Variants in PRKD3 observed in about 807,000 individuals in gnomAD.
PRKD3 encodes the protein protein kinase D3, also known as serine/threonine-protein kinase D3.
A neutral mutation model predicts 99.2 loss-of-function variants in PRKD3; 47 were observed. The observed-to-expected ratio is 0.47, with a 90% CI of 0.38 to 0.60. The LOEUF is 0.60. Ranked by LOEUF, PRKD3 falls within the 20% of genes least tolerant of loss-of-function variation. The pLI is 0.00. For missense variants in PRKD3, 1,019 were observed against 1,088.4 expected (o/e 0.94, Z 0.90); for synonymous variants, 392 against 355.4 (o/e 1.10, Z -1.16).
chr2:37,317,313 G>A (rs1671707838), intron 1 of PRKD3, 134 bp from the exon 2 acceptor site: 1 of 248,168 alleles, frequency 4.0e-6, no homozygotes. Context: ...CTAATGGGTA[G>A]CAATTTTTGG....
At chr2:37,303,011 A>AC (rs1221014637) in intron 2 of PRKD3, among the ~76,000 whole-genome samples, 1 of 152,034 alleles carries the variant, frequency 6.6e-6, no homozygotes, top group Non-Finnish European at 1.5e-5. Flanking sequence ...TTCCAAAACT[A>AC]CCTACGGCCG....
chr2:37,311,456 G>A (rs1190420103), intron 2 of PRKD3, among the ~76,000 whole-genome samples: 1 of 152,144 alleles, frequency 6.6e-6, no homozygotes, highest in Non-Finnish European at 1.5e-5. Context: ...TGACTGAAGA[G>A]TAGTGCACCA....
chr2:37,319,676 G>A (rs766376004), intron 1 of PRKD3, among the ~76,000 whole-genome samples: 3 of 151,532 alleles, frequency 2.0e-5, no homozygotes, highest in East Asian at 1.9e-4. Flanking sequence ...ATCAGCATCC[G>A]TCTGTATACT....
At chr2:37,258,979 T>C (rs926389757) in intron 16 of PRKD3, among the ~76,000 whole-genome samples, 7 of 152,056 alleles carry the variant, frequency 4.6e-5, no homozygotes, top group African/African-American at 1.7e-4. Context: ...CTCAGGATGG[T>C]TGTTTCAGAA....
At chr2:37,319,035 T>C (rs1671772549) in intron 1 of PRKD3, among the ~76,000 whole-genome samples, 1 of 152,140 alleles carries the variant, frequency 6.6e-6, no homozygotes, top group African/African-American at 2.4e-5. Flanking sequence ...AAAATAACAA[T>C]AGCTTACATT....
At chr2:37,321,117 T>A (rs1421496607) in intron 1 of PRKD3, among the ~76,000 whole-genome samples, 1 of 152,208 alleles carries the variant, frequency 6.6e-6, no homozygotes, top group Admixed American at 6.6e-5. Context: ...ATTAGAAAAC[T>A]GAAAGAAGAG....
At chr2:37,296,086 T>C (rs1289480994) in intron 2 of PRKD3, among the ~76,000 whole-genome samples, 1 of 152,178 alleles carries the variant, frequency 6.6e-6, no homozygotes, top group Non-Finnish European at 1.5e-5. Flanking sequence ...CTCCAGAAAC[T>C]ATAGCAAGTA....
chr2:37,318,348 C>T (rs1455208506), intron 1 of PRKD3, among the ~76,000 whole-genome samples: 2 of 152,196 alleles, frequency 1.3e-5, no homozygotes, highest in Admixed American at 6.5e-5. Flanking sequence ...TACTTTACCT[C>T]ATAACTCTTT....
chr2:37,320,712 G>T (rs111435632), intron 1 of PRKD3, among the ~76,000 whole-genome samples: 1 of 152,062 alleles, frequency 6.6e-6, no homozygotes, highest in Non-Finnish European at 1.5e-5. Context: ...GATTACAGGC[G>T]TGAGCCACTG....
chr2:37,264,304 A>C (rs1020763844), intron 14 of PRKD3, among the ~76,000 whole-genome samples: 1 of 152,210 alleles, frequency 6.6e-6, no homozygotes, highest in African/African-American at 2.4e-5. Flanking sequence ...TAATACATTT[A>C]TTCATTAAAT....
intron 2 of PRKD3, among the ~76,000 whole-genome samples, chr2:37,302,830 G>A (rs1297058036): frequency 6.6e-6 from 1 of 152,064 alleles, no homozygotes; most frequent in Non-Finnish European, 1.5e-5. Flanking sequence ...TGATGATAGA[G>A]ACAGAAGGCA....
In PRKD3 at chr2:37,259,610, C is replaced by T; in HGVS notation, c.2118G>A (p.Leu706=). ...VHCDLKPENV[L]LASAEPFPQV... is the part of the protein sequence containing the mutation. ...GAGGAAATGGCTCTGCTGATGCAAG[C>T]AGCACATTTTCTGGCTTTAAATCAC... Residue 706 remains leucine, a synonymous_variant, in exon 16 of 19, where the codon CTG becomes CTA. Transcript: ENST00000234179. The T allele has an allele frequency of 1.2e-6, 2 of 1,613,032 alleles. No homozygotes were observed. The highest frequency in any genetic ancestry group is 1.7e-6 in the Non-Finnish European group (2 of 1,179,116).
chr2:37,304,196 TAAAA>T (rs70949750), intron 2 of PRKD3, among the ~76,000 whole-genome samples: 1 of 93,970 alleles, frequency 1.1e-5, no homozygotes, highest in Non-Finnish European at 2.1e-5. Flanking sequence ...AGGTACTTAC[TAAAA>T]AAAAAAAAAA....
intron 7 of PRKD3, 90 bp from the exon 8 acceptor site, chr2:37,280,019 A>G: frequency 3.6e-6 from 3 of 840,124 alleles, no homozygotes; most frequent in Non-Finnish European, 5.4e-6. Flanking sequence ...TTAAAATGTA[A>G]GAAAATATCT....
At chr2:37,257,029 C>T (rs916115905) in intron 16 of PRKD3, 100 bp from the exon 17 acceptor site, 3 of 1,244,418 alleles carry the variant, frequency 2.4e-6, no homozygotes, top group African/African-American at 3.0e-5. Flanking sequence ...AACATACTTG[C>T]CAGCTCTACT....
chr2:37,289,239 G>A lies in PRKD3; in HGVS notation c.717+117C>T, dbSNP rs551811631. The A allele has an allele frequency of 6.5e-5, 79 of 1,220,442 alleles. No homozygotes were observed. In the East Asian group the frequency reaches 1.9e-3, roughly 29 times the overall value. 75.6% of individuals were successfully genotyped at this position (1,220,442 alleles called of 1,614,324 possible). ...CATTACTACATTTTATGTTTCTTAAGTGTAGGAACATTACCATTCTTTAGC... is the reference window on the plus strand; with the variant it reads ...CATTACTACATTTTATGTTTCTTAAATGTAGGAACATTACCATTCTTTAGC... On this transcript the variant is annotated intron_variant, in intron 5 of 18. Coordinates refer to ENST00000234179, the MANE Select transcript of PRKD3 (RefSeq NM_005813.6).
chr2:37,282,447 A>G (rs978272974), intron 7 of PRKD3, 95 bp downstream of exon 7: 15 of 825,368 alleles, frequency 1.8e-5, no homozygotes, highest in Middle Eastern at 2.5e-4. Context: ...AAGAAACAAA[A>G]TAAATCAGGA....
intron 1 of PRKD3, among the ~76,000 whole-genome samples, chr2:37,318,775 C>T (rs953521246): frequency 2.6e-5 from 4 of 152,164 alleles, no homozygotes; most frequent in Admixed American, 2.6e-4. Context: ...CAAATGTAAT[C>T]ACAAAGCTGA....
intron 2 of PRKD3, among the ~76,000 whole-genome samples, chr2:37,307,353 T>C (rs193265904): frequency 1.3e-5 from 2 of 152,318 alleles, no homozygotes; most frequent in African/African-American, 4.8e-5. Context: ...GAAGAACCCC[T>C]GGCCTTTTGC....
Sources: gnomAD v4.1 joint callset for allele counts (sites outside exome capture counted in the v4.1 genomes callset) on GRCh38, gnomAD v4.1.1 for gene constraint, MANE v1.5 for transcripts, NCBI Gene and HGNC (gene_info 2026-07-23, HGNC 2026-07-21) for gene names.